The following DOCK1 variants were observed in gnomAD, a reference collection of about 807,000 sequenced individuals.
DOCK1 encodes the protein dedicator of cytokinesis 1.
DOCK1 carries 138 observed loss-of-function variants against 262.7 expected under a neutral mutation model. The observed-to-expected ratio is 0.53, with a 90% CI of 0.46 to 0.61. DOCK1 has a LOEUF of 0.61. DOCK1 is among the 20% of genes least tolerant of loss of function. The probability of loss-of-function intolerance (pLI) is 0.00; values close to 1 mark genes in which losing one functional copy is unlikely to be tolerated. For synonymous variants in DOCK1, 866 were observed against 867.4 expected, an observed-to-expected ratio of 1.00 and a Z score of 0.03; for missense variants, 1,908 against 2,370.7, an observed-to-expected ratio of 0.80 and a Z score of 4.05.
chr10:127,290,165 A>G (rs1208642103), intron 29 of DOCK1, among the ~76,000 whole-genome samples: 1 of 151,638 alleles, frequency 6.6e-6, no homozygotes, highest in East Asian at 1.9e-4. Flanking sequence ...TTGTTTTATG[A>G]TCACGTCCTG....
chr10:126,956,654 G>A (rs1009690153), intron 1 of DOCK1, among the ~76,000 whole-genome samples: 25 of 152,344 alleles, frequency 1.6e-4, no homozygotes, highest in Admixed American at 9.1e-4. Flanking sequence ...CCGGCTGGAT[G>A]GACCTTCATA....
At chr10:127,122,228 T>C (rs1238432268) in intron 25 of DOCK1, among the ~76,000 whole-genome samples, 1 of 152,114 alleles carries the variant, frequency 6.6e-6, no homozygotes, top group Non-Finnish European at 1.5e-5. Context: ...TTTGGGGGCC[T>C]GGGATGGGTT....
chr10:127,035,375 A>C (rs1228840154), intron 18 of DOCK1, among the ~76,000 whole-genome samples: 1 of 152,150 alleles, frequency 6.6e-6, no homozygotes, highest in African/African-American at 2.4e-5. Context: ...TGACTATATA[A>C]TTAGAAAGGA....
In DOCK1 at chr10:127,171,735, G is replaced by A. The variant is rs556510586; in HGVS notation, c.2847+43971G>A. On this transcript the variant is annotated intron_variant, in intron 27 of 51. Coordinates refer to ENST00000623213, the MANE Select transcript of DOCK1 (RefSeq NM_001290223.2). ...TTTTATTTTTTTGAGATGGAGTCTC[G>A]CTCTGTTGCCCAGGCTGGAGTGCAG... 7.8e-4 allele frequency among the ~76,000 whole-genome samples: 118 copies of A among 152,150 alleles called. 2 individuals carry two copies. The South Asian group carries it at 0.011, about 14-fold the overall frequency.
intron 1 of DOCK1, among the ~76,000 whole-genome samples, chr10:126,947,088 T>C (rs1287758600): frequency 6.6e-6 from 1 of 152,254 alleles, no homozygotes; most frequent in Non-Finnish European, 1.5e-5. Flanking sequence ...TCCTGCTCTT[T>C]GCCTCAGTCT....
chr10:127,007,619 G>T (rs1460698505), intron 10 of DOCK1: 1 of 152,222 alleles, frequency 6.6e-6, no homozygotes, highest in Non-Finnish European at 1.5e-5. Flanking sequence ...GGTAGACAGT[G>T]TGTCTGGGTT....
At chr10:126,962,865 T>G (rs972801462) in intron 1 of DOCK1, among the ~76,000 whole-genome samples, 2 of 152,196 alleles carry the variant, frequency 1.3e-5, no homozygotes, top group Non-Finnish European at 2.9e-5. Context: ...GTTTTAGCTC[T>G]TATGTTTAGG....
In DOCK1 at chr10:127,197,676, A is replaced by C. The variant is rs557749097; in HGVS notation, c.2848-50332A>C. ...CCTTCACCCACCCACCTCTCCAGAC[A>C]CATCAGTGGGCAGTGAGACCTCTTT... is the stretch of plus-strand genomic sequence containing the variant. On this transcript the variant is annotated intron_variant, in intron 27 of 51. Coordinates refer to ENST00000623213, the MANE Select transcript of DOCK1 (RefSeq NM_001290223.2). 1.1e-4 allele frequency among the ~76,000 whole-genome samples: 16 copies of C among 152,170 alleles called. No individual in the cohort carries two copies. The East Asian group carries it at 2.7e-3, about 26-fold the overall frequency.
chr10:127,347,313 G>C (rs1054175750), intron 31 of DOCK1, among the ~76,000 whole-genome samples: 1 of 152,236 alleles, frequency 6.6e-6, no homozygotes, highest in African/African-American at 2.4e-5. Flanking sequence ...TCATGGTCTA[G>C]TGGGGTAAAT....
At chr10:127,300,516 G>A (rs960957266) in intron 29 of DOCK1, among the ~76,000 whole-genome samples, 1 of 152,184 alleles carries the variant, frequency 6.6e-6, no homozygotes, top group Non-Finnish European at 1.5e-5. Flanking sequence ...CACCCTTCAG[G>A]AAGATGGCAT....
intron 27 of DOCK1, among the ~76,000 whole-genome samples, chr10:127,154,783 G>C (rs1298379313): frequency 6.6e-6 from 1 of 152,202 alleles, no homozygotes; most frequent in Non-Finnish European, 1.5e-5. Context: ...TAATAATAAT[G>C]ATCTTGGGGT....
chr10:127,113,190 C>T (rs1286376750), intron 25 of DOCK1, among the ~76,000 whole-genome samples: 1 of 152,108 alleles, frequency 6.6e-6, no homozygotes, highest in African/African-American at 2.4e-5. Flanking sequence ...TTCCTGATCC[C>T]AGTGGAATCA....
chr10:127,214,319 A>T lies in DOCK1; in HGVS notation c.2848-33689A>T, dbSNP rs140122044. Among the ~76,000 whole-genome samples the T allele has an allele frequency of 2.7e-3, 417 of 152,284 alleles. 3 individuals carry two copies. The highest frequency in any genetic ancestry group is 9.4e-3 in the African/African-American group (390 of 41,554). On this transcript the variant is annotated intron_variant, in intron 27 of 51. Transcript: ENST00000623213. The stretch of plus-strand genomic sequence containing the variant: ...TCTTTGTGATGTGGTCTCTACACAG[A>T]TTTGGGATTCATTTTCCCTCGCTTC...
intron 23 of DOCK1, among the ~76,000 whole-genome samples, chr10:127,074,017 GT>G (rs1564783069): frequency 6.6e-6 from 1 of 152,082 alleles, no homozygotes; most frequent in Non-Finnish European, 1.5e-5. Context: ...CCCAGGAAAC[GT>G]TTTATTGAGA....
At chr10:127,036,024 AAATAAATAAATAAATAAAT>A (rs2135565668) in intron 18 of DOCK1, among the ~76,000 whole-genome samples, 1 of 149,630 alleles carries the variant, frequency 6.7e-6, no homozygotes, top group East Asian at 2.0e-4. Context: ...ATAAATAAAT[AAATAAATAAATAAATAAAT>A]AAAAAAGAGT....
At chr10:127,059,723 C>T (rs1387768328) in intron 22 of DOCK1, among the ~76,000 whole-genome samples, 1 of 152,016 alleles carries the variant, frequency 6.6e-6, no homozygotes, top group Non-Finnish European at 1.5e-5. Flanking sequence ...TCCCTGTTCT[C>T]AAATATGATT....
At chr10:127,056,507 T>G (rs1301707953) in intron 22 of DOCK1, among the ~76,000 whole-genome samples, 1 of 152,140 alleles carries the variant, frequency 6.6e-6, no homozygotes, top group Non-Finnish European at 1.5e-5. Flanking sequence ...ATTCTGGGGA[T>G]GTTGATACTC....
chr10:127,253,858 G>A (rs2059740360), intron 28 of DOCK1, among the ~76,000 whole-genome samples: 1 of 126,524 alleles, frequency 7.9e-6, no homozygotes, highest in Admixed American at 9.6e-5. Context: ...CTGGGTGATA[G>A]CATGAGACCC....
At position 127,043,071 on chromosome 10, in the gene DOCK1, T is replaced by C. The variant is rs968353366; in HGVS notation, c.2108T>C (p.Ile703Thr). The change falls in exon 21 of 52, where the codon ATC becomes ACC. Residue 703 changes from isoleucine (I) to threonine (T), a missense_variant. Ile to Thr is a moderately conservative substitution (Grantham distance 89, BLOSUM62 -1). Around this residue, in one of 9 missense-constraint regions of DOCK1, gnomAD observed 294 missense variants for 439.9 expected, o/e 0.67. Transcript: ENST00000623213. ...TATTGATTAATTTGACAGGTATTTA[T>C]CATTGGACTGATTGCTGATAGAAAA... ...DTLVFDALVF[I>T]IGLIADRKFQ... 8.7e-6 allele frequency: 14 copies of C among 1,605,194 alleles called. No individual in the cohort carries two copies. Among genetic ancestry groups the C allele is most frequent in the Admixed American group, 1.7e-5 (1 of 59,226 alleles).
Sources: gnomAD v4.1 joint callset for allele counts (sites outside exome capture counted in the v4.1 genomes callset) on GRCh38, gnomAD v4.1.1 for gene constraint, gnomAD v4.1.1 regional missense constraint, MANE v1.5 for transcripts, NCBI Gene and HGNC (gene_info 2026-07-23, HGNC 2026-07-21) for gene names.